KPNA3: variants seen among roughly 807,000 people sequenced by gnomAD.
KPNA3 encodes the protein importin subunit alpha-4.
A neutral mutation model predicts 73.8 loss-of-function variants in KPNA3; 13 were observed. The ratio of observed to expected loss-of-function variants is 0.18; its 90% CI spans 0.11 to 0.28. The LOEUF (loss-of-function observed/expected upper bound fraction) is 0.28, where lower values mean the gene tolerates loss of function less well. KPNA3 is among the 10% of genes least tolerant of loss of function. The probability of loss-of-function intolerance (pLI) is 1.00; values close to 1 mark genes in which losing one functional copy is unlikely to be tolerated. For missense variants in KPNA3, 360 were observed against 618.1 expected, an observed-to-expected ratio of 0.58 and a Z score of 4.43; for synonymous variants, 186 against 206.9, an observed-to-expected ratio of 0.90 and a Z score of 0.87.
rs564955407 is a variant in KPNA3 at position 49,741,358 on chromosome 13, G to C, written c.114+5591C>G. ...AGGTGTAAGATGATATCTCACAGTA[G>C]TTTTAATTTTATTTCTCTGATTAGT... On this transcript the variant is annotated intron_variant, in intron 2 of 16. Coordinates refer to ENST00000261667, the MANE Select transcript of KPNA3 (RefSeq NM_002267.4). Among the ~76,000 whole-genome samples, 14 of 151,906 alleles carry C rather than the reference G, an allele frequency of 9.2e-5. No individual in the cohort carries two copies. The East Asian group carries it at 2.7e-3, about 29-fold the overall frequency.
intron 1 of KPNA3, among the ~76,000 whole-genome samples, chr13:49,755,083 AAG>A (rs1954699209): frequency 1.3e-5 from 2 of 152,078 alleles, no homozygotes; most frequent in African/African-American, 4.8e-5. Context: ...AAAGAAGAAA[AAG>A]AAACTGCAGG....
chr13:49,708,856 A>G (rs1954232565), intron 12 of KPNA3, among the ~76,000 whole-genome samples: 1 of 152,124 alleles, frequency 6.6e-6, no homozygotes, highest in South Asian at 2.1e-4. Flanking sequence ...AAAAAGAGTA[A>G]TTTTTTATGA....
chr13:49,730,770 TC>T (rs1247305766), intron 6 of KPNA3, among the ~76,000 whole-genome samples: 1 of 39,666 alleles, frequency 2.5e-5, no homozygotes, highest in Non-Finnish European at 4.3e-5. Context: ...CCCTCCCCCC[TC>T]CCCCCTATTT....
intron 1 of KPNA3, among the ~76,000 whole-genome samples, chr13:49,792,198 A>C (rs2137615336): frequency 6.6e-6 from 1 of 151,926 alleles, no homozygotes. Context: ...CGCCCGCGTG[A>C]CGGGGCCGAA....
intron 2 of KPNA3, among the ~76,000 whole-genome samples, chr13:49,739,814 C>G (rs1954556773): frequency 6.6e-6 from 1 of 152,190 alleles, no homozygotes; most frequent in African/African-American, 2.4e-5. Context: ...AAACTAAGCA[C>G]ACTGTTTAGT....
intron 6 of KPNA3, among the ~76,000 whole-genome samples, chr13:49,728,234 C>CA (rs60821750): frequency 0.08 from 5,042 of 62,986 alleles, 162 homozygotes; most frequent in African/African-American, 0.17. Flanking sequence ...GACTCTGTCT[C>CA]AAAAAAAAAA....
intron 1 of KPNA3, among the ~76,000 whole-genome samples, chr13:49,791,112 C>T (rs61961487): frequency 0.21 from 31,484 of 152,148 alleles, 3,637 homozygotes; most frequent in Middle Eastern, 0.28. Context: ...ACGGATATCT[C>T]CCTAGGTTCT....
chr13:49,729,061 T>C (rs1361509262), intron 6 of KPNA3, among the ~76,000 whole-genome samples: 1 of 152,238 alleles, frequency 6.6e-6, no homozygotes, highest in Non-Finnish European at 1.5e-5. Flanking sequence ...CAATGGCTGG[T>C]AGTATCACTT....
intron 15 of KPNA3, among the ~76,000 whole-genome samples, chr13:49,703,074 T>C (rs1396935139): frequency 6.6e-6 from 1 of 152,054 alleles, no homozygotes; most frequent in Non-Finnish European, 1.5e-5. Flanking sequence ...TTCACTATGT[T>C]AGCCAGGATG....
At chr13:49,788,377 A>G (rs79000411) in intron 1 of KPNA3, among the ~76,000 whole-genome samples, 4 of 152,180 alleles carry the variant, frequency 2.6e-5, no homozygotes, top group Non-Finnish European at 5.9e-5. Flanking sequence ...TGAAAACAGG[A>G]AAAGTTTTTA....
chr13:49,705,897 A>G, intron 14 of KPNA3, 114 bp from the exon 15 acceptor site: 1 of 1,063,354 alleles, frequency 9.4e-7, no homozygotes, highest in Non-Finnish European at 1.3e-6. Flanking sequence ...CAGGAGTTGG[A>G]GGCTGTAGTG....
chr13:49,725,955 A>T (rs1000427088), intron 6 of KPNA3, among the ~76,000 whole-genome samples: 22 of 152,140 alleles, frequency 1.4e-4, no homozygotes, highest in Non-Finnish European at 2.8e-4. Context: ...ATCTCTACTT[A>T]AAAAATCTCT....
chr13:49,767,169 C>T (rs1464807869), intron 1 of KPNA3, among the ~76,000 whole-genome samples: 1 of 151,906 alleles, frequency 6.6e-6, no homozygotes, highest in Admixed American at 6.6e-5. Context: ...GTAATCCCAG[C>T]ATTTTGGGAG....
intron 1 of KPNA3, among the ~76,000 whole-genome samples, chr13:49,753,916 T>TA (rs1400296977): frequency 2.0e-5 from 3 of 152,070 alleles, no homozygotes; most frequent in East Asian, 3.9e-4. Flanking sequence ...ACCACTGTTA[T>TA]AAGGGAAAAA....
intron 1 of KPNA3, 107 bp downstream of exon 1, chr13:49,792,331 G>T (rs1172167780): frequency 1.6e-6 from 1 of 626,608 alleles, no homozygotes; most frequent in Non-Finnish European, 2.2e-6. Context: ...GGCCAACTCC[G>T]GCCGACCACA....
chr13:49,761,510 G>A (rs1378641802), intron 1 of KPNA3, among the ~76,000 whole-genome samples: 2 of 152,272 alleles, frequency 1.3e-5, no homozygotes, highest in Non-Finnish European at 2.9e-5. Flanking sequence ...CGAGGTGCCA[G>A]GATTGCAGAC....
Position 49,782,657 on chromosome 13 carries a change from T to G in KPNA3, c.69+9781A>C, listed in dbSNP as rs1954950382. Among the ~76,000 whole-genome samples the G allele has an allele frequency of 3.9e-5, 6 of 152,194 alleles. No homozygotes were observed. In the South Asian group the frequency reaches 1.2e-3, roughly 32 times the overall value. On this transcript the variant is annotated intron_variant, in intron 1 of 16. Coordinates refer to ENST00000261667, the MANE Select transcript of KPNA3 (RefSeq NM_002267.4). ...ACTTTGGGAGGCTGAGGTAGGTGAA[T>G]CACTTGAGCCTAAGAGTTTGAGACC...
At chr13:49,709,783 A>G (rs1301338943) in intron 11 of KPNA3, 83 bp from the exon 12 acceptor site, 1 of 1,329,344 alleles carries the variant, frequency 7.5e-7, no homozygotes, top group Non-Finnish European at 1.0e-6. Flanking sequence ...GAGAAAAAGT[A>G]AAAATGCAAG....
chr13:49,713,590 T>C (rs1362996558), intron 10 of KPNA3, among the ~76,000 whole-genome samples: 1 of 149,288 alleles, frequency 6.7e-6, no homozygotes, highest in African/African-American at 2.5e-5. Flanking sequence ...AAGGCTTTTC[T>C]ATATAGAAAT....
Sources: gnomAD v4.1 joint callset for allele counts (sites outside exome capture counted in the v4.1 genomes callset) on GRCh38, gnomAD v4.1.1 for gene constraint, MANE v1.5 for transcripts, NCBI Gene and HGNC (gene_info 2026-07-23, HGNC 2026-07-21) for gene names.